CSNK2A1: variants seen among roughly 807,000 people sequenced by gnomAD.
The protein encoded by CSNK2A1 is casein kinase II subunit alpha.
Under a neutral mutation model 62.9 loss-of-function variants are expected in CSNK2A1, and 10 were observed. The ratio of observed to expected loss-of-function variants is 0.16; its 90% CI spans 0.10 to 0.27. The LOEUF (loss-of-function observed/expected upper bound fraction) is 0.27. Ranked by LOEUF, CSNK2A1 falls within the 10% of genes least tolerant of loss-of-function variation. The pLI, the probability that CSNK2A1 is intolerant of heterozygous loss-of-function variation, is 1.00. For missense variants in CSNK2A1, 160 were observed against 492.0 expected (o/e 0.33, Z 6.38); for synonymous variants, 124 against 167.8 (o/e 0.74, Z 2.02).
intron 9 of CSNK2A1, among the ~76,000 whole-genome samples, chr20:490,341 TTTTTTTTTTTAG>T (rs1252690427): frequency 5.1e-4 from 71 of 138,246 alleles, no homozygotes; most frequent in Middle Eastern, 3.5e-3. Flanking sequence ...TTTTCTTTTT[TTTTTTTTTTTAG>T]TTTTTTTTTT....
rs902125044 is a variant in CSNK2A1 at position 474,812 on chromosome 20, C to T, written c.*9149G>A. 6.6e-6 allele frequency: 1 copy of T among 152,174 alleles called. No homozygotes were observed. The highest frequency in any genetic ancestry group is 1.5e-5 in the Non-Finnish European group (1 of 68,034). The allele number at this position is 152,174 out of a possible 1,614,324, so 9.4% of individuals were successfully genotyped here. ...GTATTCAGTGTTTCCATTATGACTA[C>T]GTAAATTCTAATCACAGCTGAACCA... On this transcript the variant is annotated 3_prime_UTR_variant, in exon 14 of 14. Coordinates refer to ENST00000217244, the MANE Select transcript of CSNK2A1 (RefSeq NM_177559.3).
chr20:487,253 G>T (rs567040570), intron 12 of CSNK2A1, 174 bp downstream of exon 12: 1 of 824,000 alleles, frequency 1.2e-6, no homozygotes, highest in African/African-American at 1.7e-5. Context: ...TGTTACAGAA[G>T]AATTCTTCCA....
At chr20:537,591 G>A (rs1387666083) in intron 1 of CSNK2A1, among the ~76,000 whole-genome samples, 2 of 152,138 alleles carry the variant, frequency 1.3e-5, no homozygotes, top group African/African-American at 2.4e-5. Context: ...AATGACAGCA[G>A]CTACTTTTCC....
At chr20:505,417 T>C (rs1347710163) in intron 3 of CSNK2A1, among the ~76,000 whole-genome samples, 188 bp from the exon 4 acceptor site, 4 of 138,998 alleles carry the variant, frequency 2.9e-5, no homozygotes, top group African/African-American at 8.4e-5. Flanking sequence ...TAGAGTGCAG[T>C]GGCGCGATCT....
chr20:517,022 C>G (rs1286951192), intron 2 of CSNK2A1, among the ~76,000 whole-genome samples: 1 of 152,206 alleles, frequency 6.6e-6, no homozygotes, highest in Non-Finnish European at 1.5e-5. Flanking sequence ...AGCAGCTATA[C>G]AGGAAGACAC....
At position 473,490 on chromosome 20, in the gene CSNK2A1, G is replaced by A. The variant is rs1568481665; in HGVS notation, c.*10471C>T. 1.3e-5 allele frequency: 2 copies of A among 152,302 alleles called. No individual in the cohort carries two copies. The highest frequency in any genetic ancestry group is 2.4e-5 in the African/African-American group (1 of 41,444). 9.4% of individuals were successfully genotyped at this position (152,302 alleles called of 1,614,324 possible). ...GCAAGGGAGCTTCATCCAAGGGGGT[G>A]ACAGGATTTGGTGTCCTTCCCTCCA... On this transcript the variant is annotated 3_prime_UTR_variant, in exon 14 of 14. Coordinates refer to ENST00000217244, the MANE Select transcript of CSNK2A1 (RefSeq NM_177559.3).
chr20:477,410 T>C lies in CSNK2A1; in HGVS notation c.*6551A>G, dbSNP rs534003989. On this transcript the variant is annotated 3_prime_UTR_variant, in exon 14 of 14. Transcript: ENST00000217244. ...GTTTTCGCCATGTTGTCCAGGCTGG[T>C]CTGGGACTCCCGGCTCCCAAAGTGT... 2 of 152,452 alleles carry C rather than the reference T, an allele frequency of 1.3e-5. No homozygotes were observed. Among genetic ancestry groups the C allele is most frequent in the South Asian group, 4.1e-4 (2 of 4,828 alleles). 9.4% of individuals were successfully genotyped at this position (152,452 alleles called of 1,614,324 possible). A position where few individuals can be genotyped will look rare whatever the true frequency, so the allele number is the denominator to read the frequency against.
chr20:527,008 A>AGAGC (rs2019109263), intron 2 of CSNK2A1: 3 of 125,562 alleles, frequency 2.4e-5, no homozygotes, highest in African/African-American at 8.3e-5. Context: ...AGACAGAGAG[A>AGAGC]GAGAGAGAGA....
rs1201358391 is a variant in CSNK2A1, at chr20:481,822, A to G, written c.*2139T>C. ...GTTCAAATCACAATCCAGTGCAAAC[A>G]TAATCACAAATTGCATCTCTGGCAC... On this transcript the variant is annotated 3_prime_UTR_variant, in exon 14 of 14. Coordinates refer to ENST00000217244, the MANE Select transcript of CSNK2A1 (RefSeq NM_177559.3). The G allele has an allele frequency of 6.6e-6, 1 of 152,246 alleles. No homozygotes were observed. Among genetic ancestry groups the G allele is most frequent in the Non-Finnish European group, 1.5e-5 (1 of 68,042 alleles). The allele number at this position is 152,246 out of a possible 1,614,324, so 9.4% of individuals were successfully genotyped here.
chr20:505,930 A>C (rs372109530), intron 3 of CSNK2A1: 3 of 132,346 alleles, frequency 2.3e-5, no homozygotes, highest in African/African-American at 5.9e-5. Flanking sequence ...GCTGGAGTGC[A>C]GTGGCGTGAT....
intron 12 of CSNK2A1, 76 bp from the exon 13 acceptor site, chr20:486,538 C>T: frequency 1.3e-6 from 2 of 1,521,220 alleles, no homozygotes; most frequent in Non-Finnish European, 1.8e-6. Context: ...CTGAAAGCAG[C>T]CAGCTTCATT....
intron 4 of CSNK2A1, chr20:504,530 C>T (rs951764865): frequency 7.2e-5 from 11 of 152,194 alleles, no homozygotes; most frequent in Admixed American, 6.5e-4. Context: ...AATTCATATA[C>T]AAATATAAAT....
chr20:525,963 C>T (rs760760403), intron 2 of CSNK2A1, among the ~76,000 whole-genome samples: 6 of 151,608 alleles, frequency 4.0e-5, no homozygotes, highest in African/African-American at 1.2e-4. Context: ...TGTGATTATG[C>T]CACTGCACTC....
intron 11 of CSNK2A1, 101 bp downstream of exon 11, chr20:488,577 A>G: frequency 2.5e-6 from 3 of 1,195,154 alleles, no homozygotes; most frequent in Non-Finnish European, 3.7e-6. Context: ...ACATCCTGAC[A>G]GTGCTGGCAA....
At chr20:537,945 A>G (rs2019368923) in intron 1 of CSNK2A1, among the ~76,000 whole-genome samples, 2 of 151,586 alleles carry the variant, frequency 1.3e-5, no homozygotes, top group Non-Finnish European at 2.9e-5. Context: ...ATAGTTGAAT[A>G]TTATAGACAG....
intron 12 of CSNK2A1, 75 bp from the exon 13 acceptor site, chr20:486,537 G>A: frequency 6.6e-7 from 1 of 1,524,028 alleles, no homozygotes. Flanking sequence ...CCTGAAAGCA[G>A]CCAGCTTCAT....
At chr20:522,133 CAT>C (rs1005214071) in intron 2 of CSNK2A1, among the ~76,000 whole-genome samples, 3 of 152,158 alleles carry the variant, frequency 2.0e-5, no homozygotes, top group Non-Finnish European at 4.4e-5. Flanking sequence ...GTGAACTGCA[CAT>C]GTGAGGAATC....
chr20:494,602 T>C (rs2018307159), intron 8 of CSNK2A1: 2 of 152,272 alleles, frequency 1.3e-5, no homozygotes, highest in South Asian at 4.1e-4. Flanking sequence ...GCTGTTCTAA[T>C]AAATGTGTAG....
rs2017982142 is a variant in CSNK2A1, at chr20:482,894, T to TA, written c.*1066dup. ...GTGGCTCTGCTCCTACCTCTCAAGA[T>TA]ACATTTACAAGACTGAGGAGCAGGT... On this transcript the variant is annotated 3_prime_UTR_variant, in exon 14 of 14. Transcript: ENST00000217244. 2 of 152,638 alleles carry TA rather than the reference T, an allele frequency of 1.3e-5. No homozygotes were observed. The highest frequency in any genetic ancestry group is 4.1e-4 in the South Asian group (2 of 4,832). The allele number at this position is 152,638 out of a possible 1,614,324, so 9.5% of individuals were successfully genotyped here. A position where few individuals can be genotyped will look rare whatever the true frequency, so the allele number is the denominator to read the frequency against.
Sources: allele counts gnomAD v4.1 joint callset (sites outside exome capture counted in the v4.1 genomes callset), GRCh38; gene constraint gnomAD v4.1.1; transcripts MANE v1.5; gene names NCBI Gene and HGNC (gene_info 2026-07-23, HGNC 2026-07-21).